MPP7: variants seen among roughly 807,000 people sequenced by gnomAD.
MPP7 encodes the protein MAGUK p55 scaffold protein 7, also known as MAGUK p55 subfamily member 7.
Under a neutral mutation model 76.5 loss-of-function variants are expected in MPP7, and 60 were observed. That is an observed-to-expected ratio of 0.78 (90% confidence interval 0.64 to 0.97). MPP7 has a LOEUF of 0.97. Ranked by LOEUF, MPP7 falls within the 50% of genes least tolerant of loss-of-function variation. The probability of loss-of-function intolerance (pLI) is 0.00; values close to 1 mark genes in which losing one functional copy is unlikely to be tolerated. For synonymous variants in MPP7, 237 were observed against 244.5 expected (o/e 0.97, Z 0.29); for missense variants, 641 against 694.0 (o/e 0.92, Z 0.86).
intron 1 of MPP7, among the ~76,000 whole-genome samples, chr10:28,244,635 G>C (rs1044779543): frequency 6.6e-6 from 1 of 152,134 alleles, no homozygotes; most frequent in Non-Finnish European, 1.5e-5. Context: ...CAACAGAAAA[G>C]AAGAATCCCA....
intron 1 of MPP7, among the ~76,000 whole-genome samples, 111 bp downstream of exon 1, chr10:28,302,750 G>A (rs1475724253): frequency 1.3e-5 from 2 of 151,406 alleles, no homozygotes; most frequent in Admixed American, 6.6e-5. Flanking sequence ...CCGGAGGACC[G>A]CGGCACCGCT....
intron 1 of MPP7, among the ~76,000 whole-genome samples, chr10:28,289,622 G>A (rs906324496): frequency 1.3e-5 from 2 of 152,154 alleles, no homozygotes; most frequent in African/African-American, 4.8e-5. Flanking sequence ...CCACTATGGA[G>A]ACTTTGCCCT....
chr10:28,304,974 T>C (rs571862400), upstream of MPP7, among the ~76,000 whole-genome samples: 18 of 151,694 alleles, frequency 1.2e-4, no homozygotes, highest in South Asian at 2.7e-3. Context: ...AATGATCCAA[T>C]AAAAAGATAA....
intron 2 of MPP7, among the ~76,000 whole-genome samples, chr10:28,223,356 G>A (rs1396199297): frequency 6.6e-6 from 1 of 152,136 alleles, no homozygotes; most frequent in African/African-American, 2.4e-5. Flanking sequence ...CTTAAGGTGT[G>A]GCCTGCCAAA....
chr10:28,119,583 C>A, intron 11 of MPP7, 68 bp downstream of exon 11: 1 of 1,310,324 alleles, frequency 7.6e-7, no homozygotes. Context: ...CTGCCATGAG[C>A]ACCTGCTTTA....
chr10:28,291,439 T>C (rs529016352), intron 1 of MPP7, among the ~76,000 whole-genome samples: 3 of 152,232 alleles, frequency 2.0e-5, no homozygotes, highest in Non-Finnish European at 2.9e-5. Flanking sequence ...ACGCCGTCTA[T>C]ACTAAAAATA....
At chr10:28,241,908 T>C (rs918167705) in intron 1 of MPP7, among the ~76,000 whole-genome samples, 39 of 152,196 alleles carry the variant, frequency 2.6e-4, no homozygotes, top group Admixed American at 3.3e-4. Context: ...GTGAACTATG[T>C]GAAGGTCTAT....
intron 1 of MPP7, among the ~76,000 whole-genome samples, chr10:28,288,932 G>A (rs1053425077): frequency 2.6e-5 from 4 of 152,104 alleles, no homozygotes; most frequent in African/African-American, 4.8e-5. Context: ...AGAAGACCTC[G>A]GGTGGGGGAA....
chr10:28,280,855 G>A (rs1044293197), intron 1 of MPP7, among the ~76,000 whole-genome samples: 4 of 151,978 alleles, frequency 2.6e-5, no homozygotes, highest in African/African-American at 9.7e-5. Flanking sequence ...CATGTGCCTG[G>A]CAAAGCAATA....
chr10:28,255,857 C>G (rs11006959), intron 1 of MPP7, among the ~76,000 whole-genome samples: 31,422 of 152,092 alleles, frequency 0.21, 4,143 homozygotes, highest in East Asian at 0.52. Flanking sequence ...ATGTCAAGTA[C>G]TCATTAGTGG....
At chr10:28,071,627 A>AATGTATTAATT (rs1476324690) in intron 12 of MPP7, among the ~76,000 whole-genome samples, 1 of 152,188 alleles carries the variant, frequency 6.6e-6, no homozygotes, top group African/African-American at 2.4e-5. Context: ...CATTGACCTA[A>AATGTATTAATT]CTAAAAATAA....
chr10:28,149,971 G>A lies in MPP7; in HGVS notation c.234+11C>T. On this transcript the variant is annotated intron_variant, in intron 4 of 16. Coordinates refer to ENST00000683449, the MANE Select transcript of MPP7 (RefSeq NM_001318170.2). ...AGACACATCCCAGTGAGCTCGGAGA[G>A]TCACACTTACATCATCGGCCAAGGC... is the stretch of plus-strand genomic sequence containing the variant. 6.2e-7 allele frequency: 1 copy of A among 1,610,430 alleles called. No homozygotes were observed. Among genetic ancestry groups the A allele is most frequent in the Non-Finnish European group, 8.5e-7 (1 of 1,177,730 alleles).
chr10:28,135,604 A>C (rs1045542364), intron 5 of MPP7, among the ~76,000 whole-genome samples: 2 of 152,202 alleles, frequency 1.3e-5, no homozygotes, highest in Non-Finnish European at 2.9e-5. Flanking sequence ...CATTACAAGG[A>C]ATAATCCCTG....
At position 28,300,858 on chromosome 10, in the gene MPP7, C is replaced by CTGA. The variant is rs779684472; in HGVS notation, c.-132+2000_-132+2002dup. On this transcript the variant is annotated intron_variant, in intron 1 of 16. Transcript: ENST00000683449. ...CCTGTAGTCCCAGCTACTCAAGAGG[C>CTGA]TGAGGCAGGAGAATCACTTGAACCA... 1.6e-4 allele frequency among the ~76,000 whole-genome samples: 24 copies of CTGA among 151,254 alleles called. No individual in the cohort carries two copies. The East Asian group carries it at 4.7e-3, about 29-fold the overall frequency.
intron 5 of MPP7, 97 bp downstream of exon 5, chr10:28,147,386 A>C: frequency 2.2e-6 from 2 of 906,478 alleles, no homozygotes; most frequent in Non-Finnish European, 3.7e-6. Context: ...TTCAAAATAC[A>C]TTTACTTGAG....
intron 1 of MPP7, among the ~76,000 whole-genome samples, chr10:28,283,200 G>C (rs1442801827): frequency 6.6e-6 from 1 of 151,902 alleles, no homozygotes. Context: ...ATAAAGGGGA[G>C]GAAATTTCCA....
chr10:28,323,176 T>G (rs1834381776), intron 2 of MPP7, among the ~76,000 whole-genome samples: 1 of 151,994 alleles, frequency 6.6e-6, no homozygotes, highest in Non-Finnish European at 1.5e-5. Flanking sequence ...TCCCAGCTAC[T>G]CAGGAGGCTG....
At chr10:28,122,965 T>A in intron 8 of MPP7, among the ~76,000 whole-genome samples, 1 of 149,638 alleles carries the variant, frequency 6.7e-6, no homozygotes, top group East Asian at 1.9e-4. Context: ...TGTGCAATTT[T>A]TGTTTTTTTT....
At chr10:28,249,664 G>A (rs1329631463) in intron 1 of MPP7, among the ~76,000 whole-genome samples, 3 of 152,158 alleles carry the variant, frequency 2.0e-5, no homozygotes, top group Admixed American at 2.0e-4. Context: ...CTCTGCTAGT[G>A]CCAGTCAGCT....
Sources: gnomAD v4.1 joint callset for allele counts (sites outside exome capture counted in the v4.1 genomes callset) on GRCh38, gnomAD v4.1.1 for gene constraint, MANE v1.5 for transcripts, NCBI Gene and HGNC (gene_info 2026-07-23, HGNC 2026-07-21) for gene names.